Variants in UPF1 observed in about 807,000 individuals in gnomAD.
The protein encoded by UPF1 is UPF1 RNA helicase and ATPase.
A neutral mutation model predicts 129.2 loss-of-function variants in UPF1; 9 were observed. That is an observed-to-expected ratio of 0.07 (90% CI 0.04 to 0.12). The LOEUF (loss-of-function observed/expected upper bound fraction) is 0.12. Ranked by LOEUF, UPF1 falls within the 10% of genes least tolerant of loss-of-function variation. The pLI, the probability that UPF1 is intolerant of heterozygous loss-of-function variation, is 1.00. For synonymous variants in UPF1, 649 were observed against 644.9 expected (o/e 1.01, Z -0.10); for missense variants, 788 against 1,525.3 (o/e 0.52, Z 8.05).
chr19:18,855,567 A>G, intron 11 of UPF1: 1 of 509,470 alleles, frequency 2.0e-6, no homozygotes, highest in Non-Finnish European at 3.5e-6. Context: ...TGCGGTGGGT[A>G]GAGCTGTGAA....
intron 9 of UPF1, 84 bp from the exon 10 acceptor site, chr19:18,854,795 G>T: frequency 1.9e-6 from 3 of 1,606,364 alleles, no homozygotes; most frequent in Non-Finnish European, 2.6e-6. Flanking sequence ...GTGGAGTGGG[G>T]TTCCCCACCC....
In UPF1 at chr19:18,865,831, C is replaced by T; in HGVS notation, c.3237+53C>T. 1.2e-6 allele frequency: 2 copies of T among 1,604,708 alleles called. No homozygotes were observed. The highest frequency in any genetic ancestry group is 2.2e-5 in the East Asian group (1 of 44,806). The stretch of plus-strand genomic sequence containing the variant: ...CCTGAGTGAGGGTGGGGCTATGCAC[C>T]TGAAACATTCCCTCTGAAGAGCCCC... On this transcript the variant is annotated intron_variant, in intron 22 of 23. Transcript: ENST00000262803. This position sits in a 1 kb window ranked among gnomAD's most constrained non-coding sequence, Gnocchi z 6.1.
chr19:18,865,557 T>C lies in UPF1; in HGVS notation c.3020-4T>C. On this transcript the variant is annotated splice_polypyrimidine_tract_variant and splice_region_variant and intron_variant, in intron 21 of 23. Transcript: ENST00000262803. This position sits in a 1 kb window ranked among gnomAD's most constrained non-coding sequence, Gnocchi z 6.1. ...TCGGATCACCCTGGACTGCTGTCTT[T>C]CAGGGCGAGGCACCCCGAAAGGCAA... The C allele has an allele frequency of 1.2e-6, 2 of 1,613,908 alleles. No homozygotes were observed. The highest frequency in any genetic ancestry group is 1.7e-6 in the Non-Finnish European group (2 of 1,180,032).
intron 2 of UPF1, 90 bp downstream of exon 2, chr19:18,846,209 T>G (rs930378917): frequency 6.4e-7 from 1 of 1,560,204 alleles, no homozygotes; most frequent in East Asian, 2.3e-5. Context: ...AGGTACAGGG[T>G]GGCGCCCTTG....
intron 2 of UPF1, among the ~76,000 whole-genome samples, chr19:18,847,522 T>C (rs1053975314): frequency 6.6e-5 from 10 of 152,244 alleles, no homozygotes; most frequent in Admixed American, 3.3e-4. Context: ...GTGGCTTTGC[T>C]CCTTATCCCC....
At position 18,850,002 on chromosome 19, in the gene UPF1, C is replaced by T. The variant is rs2055640927; in HGVS notation, c.462-73C>T. 1.9e-6 allele frequency: 3 copies of T among 1,587,910 alleles called. No homozygotes were observed. Among genetic ancestry groups the T allele is most frequent in the Admixed American group, 3.4e-5 (2 of 59,102 alleles). The stretch of plus-strand genomic sequence containing the variant: ...CCGTGAACGGTACCGGAACTTTTAA[C>T]AGGGGCCCGAAAATTGGAAGTGGTG... On this transcript the variant is annotated intron_variant, in intron 3 of 23. Transcript: ENST00000262803. The surrounding 1 kb of genome is among the most constrained non-coding windows in gnomAD (Gnocchi z 7.1).
At chr19:18,856,728 A>G (rs771996430) in intron 13 of UPF1, 149 bp from the exon 14 acceptor site, 4 of 1,186,870 alleles carry the variant, frequency 3.4e-6, no homozygotes, top group Non-Finnish European at 4.6e-6. Flanking sequence ...AGCCTGGACC[A>G]TGTATCTTGT....
At position 18,853,325 on chromosome 19, in the gene UPF1, C is replaced by T. The variant is rs143785290; in HGVS notation, c.1131C>T (p.Ile377=). 8 of 1,612,224 alleles carry T rather than the reference C, an allele frequency of 5.0e-6. No individual in the cohort carries two copies. The African/African-American group carries it at 5.3e-5, about 11-fold the overall frequency. Residue 377 remains isoleucine, a synonymous_variant, in exon 8 of 24, where the codon ATC becomes ATT. Transcript: ENST00000262803. This position sits in a 1 kb window ranked among gnomAD's most constrained non-coding sequence, Gnocchi z 4.4. ...KGDLAPLWKG[I]GHVIKVPDNY... ...ACCTTGCGCCCCTGTGGAAAGGGAT[C>T]GGCCACGTCATCAAGGTCCCTGATA...
chr19:18,853,062 A>T lies in UPF1; in HGVS notation c.1048A>T (p.Thr350Ser), dbSNP rs2055677863. Residue 350 changes from threonine (T) to serine (S), a missense_variant, in exon 7 of 24, where the codon ACT becomes TCT. Thr to Ser is a moderately conservative substitution (Grantham distance 58). Transcript: ENST00000262803. The surrounding 1 kb of genome is among the most constrained non-coding windows in gnomAD (Gnocchi z 4.4). Reference protein sequence around the residue: ...KRIAYFTLPKTDSDMRLMQGD... With the variant: ...KRIAYFTLPKSDSDMRLMQGD... ...AATCGCCTACTTCACTTTGCCCAAG[A>T]CTGACTCTGGTAATGAGGATTTAGT... is the stretch of plus-strand genomic sequence containing the variant. The T allele has an allele frequency of 6.2e-7, 1 of 1,614,072 alleles. No homozygotes were observed. Among genetic ancestry groups the T allele is most frequent in the African/African-American group, 1.3e-5 (1 of 74,926 alleles).
intron 1 of UPF1, among the ~76,000 whole-genome samples, chr19:18,841,841 G>C (rs1368949575): frequency 6.6e-6 from 1 of 152,330 alleles, no homozygotes. Context: ...GCTGGAACAA[G>C]GGTCTGCCGG....
intron 18 of UPF1, 129 bp from the exon 19 acceptor site, chr19:18,863,309 C>T: frequency 8.0e-7 from 1 of 1,247,756 alleles, no homozygotes. Flanking sequence ...TGGCAGCCTG[C>T]CTGCTGCCCG....
At chr19:18,839,494 C>T (rs900390667) in intron 1 of UPF1, among the ~76,000 whole-genome samples, 5 of 152,148 alleles carry the variant, frequency 3.3e-5, no homozygotes, top group African/African-American at 1.2e-4. Flanking sequence ...CGCTCCTTTC[C>T]GCTCCCTCCC....
At chr19:18,854,508 T>A (rs1432874320) in intron 8 of UPF1, 93 bp from the exon 9 acceptor site, 2 of 1,035,750 alleles carry the variant, frequency 1.9e-6, no homozygotes, top group African/African-American at 3.2e-5. Flanking sequence ...GTAACTAAAT[T>A]TTAAAAACGC....
At position 18,850,178 on chromosome 19, in the gene UPF1, C is replaced by T. The variant is rs1353979976; in HGVS notation, c.565C>T (p.Arg189Cys). ...TVLECYNCGC[R>C]NVFLLGFIPA... ...CCTGGAGTGCTACAACTGCGGCTGT[C>T]GCAACGTCTTCCTCCTCGGCTTCAT... The change falls in exon 4 of 24, where the codon CGC becomes TGC. Residue 189 changes from arginine (R) to cysteine (C), a missense_variant. This residue lies in a region of UPF1 where 227 missense variants were observed against 517.9 expected (regional missense o/e 0.44). Coordinates refer to ENST00000262803, the MANE Select transcript of UPF1 (RefSeq NM_002911.4). The surrounding 1 kb of genome is among the most constrained non-coding windows in gnomAD (Gnocchi z 7.1). 3.7e-6 allele frequency: 6 copies of T among 1,613,846 alleles called. No homozygotes were observed. Among genetic ancestry groups the T allele is most frequent in the African/African-American group, 1.3e-5 (1 of 74,924 alleles).
chr19:18,856,554 C>T (rs2055720382), intron 13 of UPF1, among the ~76,000 whole-genome samples: 1 of 152,174 alleles, frequency 6.6e-6, no homozygotes, highest in Admixed American at 6.5e-5. Flanking sequence ...CACTCCTGCT[C>T]TTTCATAACC....
Position 18,861,782 on chromosome 19 carries a change from T to C in UPF1, c.2458-228T>C, listed in dbSNP as rs7252523. Among the ~76,000 whole-genome samples the C allele has an allele frequency of 0.91, 138,357 of 152,282 alleles. 63,030 individuals carry two copies. The highest frequency in any genetic ancestry group is 0.97 in the African/African-American group (40,203 of 41,562). On this transcript the variant is annotated intron_variant, in intron 17 of 23. Transcript: ENST00000262803. ...GGTCAAGGCTGCAGCGAGCTGAGAT[T>C]GTACCACTGTACTCTAGCCTGGGTG...
Position 18,853,597 on chromosome 19 carries a change from C to T in UPF1, c.1156+247C>T, listed in dbSNP as rs145173987. 5.3e-5 allele frequency among the ~76,000 whole-genome samples: 8 copies of T among 152,318 alleles called. No individual in the cohort carries two copies. Among genetic ancestry groups the T allele is most frequent in the Non-Finnish European group, 1.2e-4 (8 of 68,030 alleles). ...GATGTTGGTGATGCCACTTGTGTGGCGCGTCCCTGGGCTGACTCTGGAAGT... is the reference window on the plus strand; with the variant it reads ...GATGTTGGTGATGCCACTTGTGTGGTGCGTCCCTGGGCTGACTCTGGAAGT... On this transcript the variant is annotated intron_variant, in intron 8 of 23. Coordinates refer to ENST00000262803, the MANE Select transcript of UPF1 (RefSeq NM_002911.4). This position sits in a 1 kb window ranked among gnomAD's most constrained non-coding sequence, Gnocchi z 4.4.
At chr19:18,835,898 C>T (rs561280953) in intron 1 of UPF1, among the ~76,000 whole-genome samples, 5 of 152,208 alleles carry the variant, frequency 3.3e-5, no homozygotes, top group Non-Finnish European at 7.3e-5. Context: ...TGTGTAGCCA[C>T]TTTCCATACC....
At chr19:18,857,061 G>A in intron 14 of UPF1, 41 bp downstream of exon 14, 2 of 1,588,098 alleles carry the variant, frequency 1.3e-6, no homozygotes. Flanking sequence ...AAACTCGTGT[G>A]TGTGATTCTT....
Sources: gnomAD v4.1 joint callset for allele counts (sites outside exome capture counted in the v4.1 genomes callset) on GRCh38, gnomAD v4.1.1 for gene constraint, gnomAD v4.1.1 regional missense constraint, Gnocchi (gnomAD v3.1) non-coding constraint, MANE v1.5 for transcripts, NCBI Gene and HGNC (gene_info 2026-07-23, HGNC 2026-07-21) for gene names.